The following CNGA4 variants were observed in gnomAD, a reference collection of about 807,000 sequenced individuals.
The protein encoded by CNGA4 is cyclic nucleotide-gated channel alpha-4.
CNGA4 carries 32 observed loss-of-function variants against 45.6 expected under a neutral mutation model. The observed-to-expected ratio is 0.70, with a 90% CI of 0.53 to 0.94. The LOEUF is 0.94. CNGA4 is among the 40% of genes least tolerant of loss of function. CNGA4 has a pLI of 0.00. For missense variants in CNGA4, 726 were observed against 755.1 expected, an observed-to-expected ratio of 0.96 and a Z score of 0.45; for synonymous variants, 293 against 304.6, an observed-to-expected ratio of 0.96 and a Z score of 0.40.
At chr11:6,243,883 A>T (rs1185003085) in intron 5 of CNGA4, 66 bp from the exon 6 acceptor site, 5 of 1,443,206 alleles carry the variant, frequency 3.5e-6, no homozygotes, top group Non-Finnish European at 1.9e-6. Flanking sequence ...GTCCTGGTTC[A>T]GGAGTGAAAT....
rs1847956890 is a variant in CNGA4, at chr11:6,244,154, G to A, written c.1473G>A (p.Glu491=). Residue 491 remains glutamate (E), a synonymous_variant, in exon 6 of 6, where the codon GAG becomes GAA. Transcript: ENST00000379936. This position sits in a 1 kb window ranked among gnomAD's most constrained non-coding sequence, Gnocchi z 4.5. The stretch of plus-strand genomic sequence containing the variant: ...AGGCAGCTGAGATCGCCCTGCAGGA[G>A]GCCACAGAGTCCCGGCTACGAGGCC... The part of the protein sequence containing the change: ...NAEAAEIALQ[E]ATESRLRGLD... 9 of 1,614,224 alleles carry A rather than the reference G, an allele frequency of 5.6e-6. No individual in the cohort carries two copies. In the South Asian group the frequency reaches 9.9e-5, roughly 18 times the overall value.
At chr11:6,236,892 A>G (rs1590647980), upstream of CNGA4, among the ~76,000 whole-genome samples, 1 of 152,340 alleles carries the variant, frequency 6.6e-6, no homozygotes, top group Non-Finnish European at 1.5e-5. Context: ...TCTCTATTCC[A>G]TGATGTCTGG....
At chr11:6,236,505 G>A (rs182319723), upstream of CNGA4, among the ~76,000 whole-genome samples, 164 of 152,186 alleles carry the variant, frequency 1.1e-3, no homozygotes, top group African/African-American at 3.8e-3. Flanking sequence ...GATATAAGAG[G>A]AAAATAAGAG....
chr11:6,243,066 T>C (rs1048424583), intron 5 of CNGA4, among the ~76,000 whole-genome samples: 1 of 152,208 alleles, frequency 6.6e-6, no homozygotes, highest in Non-Finnish European at 1.5e-5. Flanking sequence ...AACTGCTTAC[T>C]ATTTTCTGCA....
In CNGA4 at chr11:6,239,810, T is replaced by C; in HGVS notation, c.271+20T>C. The C allele has an allele frequency of 6.2e-7, 1 of 1,602,446 alleles. No individual in the cohort carries two copies. The highest frequency in any genetic ancestry group is 8.5e-7 in the Non-Finnish European group (1 of 1,171,552). On this transcript the variant is annotated intron_variant, in intron 3 of 5. Transcript: ENST00000379936. ...ACACAGGTCAGTGGGCTTCTAGGAA[T>C]GACCCTTTGTCCCACATTCCCTTCC...
chr11:6,235,109 T>C (rs1847810730), upstream of CNGA4, among the ~76,000 whole-genome samples: 1 of 149,246 alleles, frequency 6.7e-6, no homozygotes, highest in East Asian at 2.0e-4. Flanking sequence ...ACGCTTGGAG[T>C]GGAAGAGTGG....
At chr11:6,241,346 C>A in intron 4 of CNGA4, 85 bp from the exon 5 acceptor site, 1 of 1,093,458 alleles carries the variant, frequency 9.1e-7, no homozygotes, top group Non-Finnish European at 1.3e-6. Flanking sequence ...GGATTCTTGG[C>A]TGGAGCTGAG....
In CNGA4 at chr11:6,244,382, C is replaced by T; in HGVS notation, c.1701C>T (p.Ser567=). The change falls in exon 6 of 6, where the codon AGC becomes AGT. Residue 567 remains serine (S), a synonymous_variant. Coordinates refer to ENST00000379936, the MANE Select transcript of CNGA4 (RefSeq NM_001037329.4). This position sits in a 1 kb window ranked among gnomAD's most constrained non-coding sequence, Gnocchi z 4.5. ...CCAAAGATGAAGAGGGCAGGGCCAGCCAGGAGGGACCCCCAGGTCCAGAGT... is the reference window on the plus strand; with the variant it reads ...CCAAAGATGAAGAGGGCAGGGCCAGTCAGGAGGGACCCCCAGGTCCAGAGT... ...GTSKDEEGRA[S]QEGPPGPE 1 of 1,612,722 alleles carries T rather than the reference C, an allele frequency of 6.2e-7. No homozygotes were observed. The highest frequency in any genetic ancestry group is 8.5e-7 in the Non-Finnish European group (1 of 1,179,424).
upstream of CNGA4, among the ~76,000 whole-genome samples, chr11:6,237,635 T>A (rs904703980): frequency 1.3e-5 from 2 of 152,136 alleles, no homozygotes; most frequent in African/African-American, 4.8e-5. Flanking sequence ...AACCAAGACA[T>A]TATGGCATTA....
chr11:6,236,421 A>G (rs1432036845), upstream of CNGA4, among the ~76,000 whole-genome samples: 1 of 152,260 alleles, frequency 6.6e-6, no homozygotes, highest in African/African-American at 2.4e-5. Context: ...GGCCCAAACT[A>G]GAGTAGCAAA....
chr11:6,240,939 T>C lies in CNGA4; in HGVS notation c.917+228T>C, dbSNP rs1035150287. On this transcript the variant is annotated intron_variant, in intron 4 of 5. Transcript: ENST00000379936. The surrounding 1 kb of genome is among the most constrained non-coding windows in gnomAD (Gnocchi z 4.9). ...GACTGATAGGGAGAGGAGCTCATACTCAAAAAAGGATAATATGGAGACCAG... is the reference window on the plus strand; with the variant it reads ...GACTGATAGGGAGAGGAGCTCATACCCAAAAAAGGATAATATGGAGACCAG... Among the ~76,000 whole-genome samples the C allele has an allele frequency of 2.7e-4, 41 of 151,930 alleles. No homozygotes were observed. The highest frequency in any genetic ancestry group is 9.2e-4 in the African/African-American group (38 of 41,330).
At position 6,240,049 on chromosome 11, in the gene CNGA4, C is replaced by T. The variant is rs1248904294; in HGVS notation, c.272-17C>T. ...TGACTACAGCAGGTCCGCTTCCTAC[C>T]GGCTCCCTCTCCCCAGGATTCTTGG... is the stretch of plus-strand genomic sequence containing the variant. On this transcript the variant is annotated splice_polypyrimidine_tract_variant and intron_variant, in intron 3 of 5. Transcript: ENST00000379936. The surrounding 1 kb of genome is among the most constrained non-coding windows in gnomAD (Gnocchi z 4.9). 1.3e-6 allele frequency: 2 copies of T among 1,589,096 alleles called. No homozygotes were observed. Among genetic ancestry groups the T allele is most frequent in the Non-Finnish European group, 8.6e-7 (1 of 1,167,058 alleles).
chr11:6,239,519 C>G, intron 2 of CNGA4, 34 bp downstream of exon 2: 1 of 1,605,668 alleles, frequency 6.2e-7, no homozygotes, highest in Non-Finnish European at 8.5e-7. Context: ...GGGCTGGAAG[C>G]CAAAAAGAGG....
rs770812074 is a variant in CNGA4 at position 6,244,218 on chromosome 11, C to T, written c.1537C>T (p.Arg513Cys). The change falls in exon 6 of 6, where the codon CGC becomes TGC. Residue 513 changes from arginine to cysteine, a missense_variant. By Grantham distance (180) the Arg-to-Cys change is radical. Coordinates refer to ENST00000379936, the MANE Select transcript of CNGA4 (RefSeq NM_001037329.4). This position sits in a 1 kb window ranked among gnomAD's most constrained non-coding sequence, Gnocchi z 4.5. ...GGATGATCTACAGACCAAGTTTGCT[C>T]GCCTCCTGGCTGAGCTGGAGTCCAG... ...QLDDLQTKFA[R>C]LLAELESSAL... 36 of 1,614,074 alleles carry T rather than the reference C, an allele frequency of 2.2e-5. No individual in the cohort carries two copies. Among genetic ancestry groups the T allele is most frequent in the Middle Eastern group, 1.6e-4 (1 of 6,082 alleles).
At chr11:6,244,905 G>A (rs1322348524), downstream of CNGA4, among the ~76,000 whole-genome samples, 3 of 152,174 alleles carry the variant, frequency 2.0e-5, no homozygotes, top group Non-Finnish European at 2.9e-5. This position sits in a 1 kb window ranked among gnomAD's most constrained non-coding sequence, Gnocchi z 4.5. Flanking sequence ...TCTTTTGAAT[G>A]TTTCCCATAT....
At chr11:6,242,465 G>A (rs1321133913) in intron 5 of CNGA4, among the ~76,000 whole-genome samples, 1 of 152,094 alleles carries the variant, frequency 6.6e-6, no homozygotes, top group East Asian at 1.9e-4. Flanking sequence ...GGTCGTGCAA[G>A]CAGGAAATCC....
intron 2 of CNGA4, 61 bp downstream of exon 2, chr11:6,239,546 G>A (rs2133873824): frequency 1.3e-6 from 2 of 1,584,438 alleles, no homozygotes; most frequent in Non-Finnish European, 8.7e-7. Context: ...GAGAGGTCAA[G>A]GAGAAGGGCA....
chr11:6,240,376 G>A lies in CNGA4; in HGVS notation c.582G>A (p.Leu194=), dbSNP rs778274294. The change falls in exon 4 of 6, where the codon CTG becomes CTA. Residue 194 remains leucine, a synonymous_variant. Transcript: ENST00000379936. This position sits in a 1 kb window ranked among gnomAD's most constrained non-coding sequence, Gnocchi z 4.9. ...SCLYFALSRY[L]GFGRDAWVYP... ...TATACTTTGCCCTATCCCGGTACCTGGGCTTCGGGCGTGACGCATGGGTGT... is the reference window on the plus strand; with the variant it reads ...TATACTTTGCCCTATCCCGGTACCTAGGCTTCGGGCGTGACGCATGGGTGT... 2 of 1,614,242 alleles carry A rather than the reference G, an allele frequency of 1.2e-6. No homozygotes were observed. Among genetic ancestry groups the A allele is most frequent in the African/African-American group, 2.7e-5 (2 of 75,072 alleles).
chr11:6,241,713 T>C lies in CNGA4; in HGVS notation c.1200T>C (p.Gly400=), dbSNP rs1186254700. 1.2e-6 allele frequency: 2 copies of C among 1,614,116 alleles called. No individual in the cohort carries two copies. The highest frequency in any genetic ancestry group is 1.1e-5 in the South Asian group (1 of 91,074). The change falls in exon 5 of 6, where the codon GGT becomes GGC. Residue 400 remains glycine (G), a synonymous_variant. Transcript: ENST00000379936. ...AACTGGCCGTGGTGGCAGATGATGG[T>C]ATCACACAGTATGCTGTGCTCGGTG... is the stretch of plus-strand genomic sequence containing the variant. ...EGQLAVVADD[G]ITQYAVLGAG...
Sources: gnomAD v4.1 joint callset for allele counts (sites outside exome capture counted in the v4.1 genomes callset) on GRCh38, gnomAD v4.1.1 for gene constraint, Gnocchi (gnomAD v3.1) non-coding constraint, MANE v1.5 for transcripts, NCBI Gene and HGNC (gene_info 2026-07-23, HGNC 2026-07-21) for gene names.